The following CNTNAP5 variants were observed in gnomAD, a reference collection of about 807,000 sequenced individuals.
CNTNAP5 encodes contactin associated protein family member 5, also known as contactin-associated protein-like 5.
A neutral mutation model predicts 150.2 loss-of-function variants in CNTNAP5; 72 were observed. The observed-to-expected ratio is 0.48, with a 90% CI of 0.40 to 0.58. The LOEUF (loss-of-function observed/expected upper bound fraction) is 0.58. CNTNAP5 is among the 20% of genes least tolerant of loss of function. The pLI is 0.00. For missense variants in CNTNAP5, 1,636 were observed against 1,626.2 expected (o/e 1.01, Z -0.10); for synonymous variants, 672 against 619.8 (o/e 1.08, Z -1.25).
chr2:124,350,367 A>G (rs1254599179), intron 3 of CNTNAP5, among the ~76,000 whole-genome samples: 1 of 152,064 alleles, frequency 6.6e-6, no homozygotes, highest in Non-Finnish European at 1.5e-5. Context: ...GGAATGCTAA[A>G]ATATTCATTA....
At chr2:124,809,542 G>A (rs79794851) in intron 19 of CNTNAP5, among the ~76,000 whole-genome samples, 158 of 151,716 alleles carry the variant, frequency 1.0e-3, no homozygotes, top group African/African-American at 3.7e-3. Context: ...GCGTGTCTGG[G>A]AATATAGCTG....
chr2:124,541,814 GATCTAC>G (rs1695392725), intron 10 of CNTNAP5, among the ~76,000 whole-genome samples: 1 of 152,104 alleles, frequency 6.6e-6, no homozygotes. Context: ...ATTTACTTCT[GATCTAC>G]ATTTTGCACA....
chr2:124,500,594 A>C (rs1466528771), intron 7 of CNTNAP5, among the ~76,000 whole-genome samples: 3 of 151,758 alleles, frequency 2.0e-5, no homozygotes, highest in African/African-American at 7.3e-5. Context: ...CTAAAACTGG[A>C]AAAAACGGGA....
chr2:124,128,612 G>A lies in CNTNAP5; in HGVS notation c.83-93093G>A, dbSNP rs572670364. 2.6e-5 allele frequency among the ~76,000 whole-genome samples: 4 copies of A among 152,206 alleles called. No individual in the cohort carries two copies. The South Asian group carries it at 6.2e-4, about 24-fold the overall frequency. ...TGCTACTATAAAGACACATGCACAC[G>A]TATGTTTATTGCGGCACTATTCACA... On this transcript the variant is annotated intron_variant, in intron 1 of 23. Coordinates refer to ENST00000682447, the MANE Select transcript of CNTNAP5 (RefSeq NM_001367498.1).
At chr2:124,323,720 A>G (rs189431964) in intron 3 of CNTNAP5, among the ~76,000 whole-genome samples, 4 of 152,300 alleles carry the variant, frequency 2.6e-5, no homozygotes, top group Admixed American at 2.6e-4. Context: ...TTTCAGAATT[A>G]ACTAGACCAT....
At chr2:124,638,177 TATG>T (rs1333579211) in intron 12 of CNTNAP5, among the ~76,000 whole-genome samples, 167 of 137,524 alleles carry the variant, frequency 1.2e-3, no homozygotes, top group African/African-American at 3.9e-3. Context: ...TCTATATATA[TATG>T]ATATATATGA....
intron 1 of CNTNAP5, among the ~76,000 whole-genome samples, chr2:124,110,514 G>A (rs190092329): frequency 6.6e-6 from 1 of 152,254 alleles, no homozygotes. Flanking sequence ...TAATTATTAT[G>A]GCTGTCAGAT....
intron 13 of CNTNAP5, among the ~76,000 whole-genome samples, chr2:124,655,764 G>A (rs1678430368): frequency 6.6e-6 from 1 of 151,550 alleles, no homozygotes; most frequent in South Asian, 2.1e-4. Flanking sequence ...ATCCAGGTGT[G>A]GTGGGGCACA....
At chr2:124,218,702 A>G (rs1529292) in intron 1 of CNTNAP5, among the ~76,000 whole-genome samples, 27,443 of 152,066 alleles carry the variant, frequency 0.18, 2,679 homozygotes, top group Non-Finnish European at 0.23. Flanking sequence ...CCACAAGTTA[A>G]TGGGCTCTGG....
At chr2:124,707,140 G>GAGGAAGAAGAAGAAGAAGAAGAA (rs1679697343) in intron 13 of CNTNAP5, among the ~76,000 whole-genome samples, 31 of 86,472 alleles carry the variant, frequency 3.6e-4, no homozygotes, top group Non-Finnish European at 5.4e-4. Flanking sequence ...AAGAAGAAGA[G>GAGGAAGAAGAAGAAGAAGAAGAA]GAAGAAGAAG....
chr2:124,355,270 T>C (rs895489085), intron 3 of CNTNAP5, among the ~76,000 whole-genome samples: 1 of 152,148 alleles, frequency 6.6e-6, no homozygotes, highest in Non-Finnish European at 1.5e-5. Flanking sequence ...AAAGTCTGCT[T>C]TTTTCATTTT....
At chr2:124,729,659 A>G (rs145910406) in intron 13 of CNTNAP5, among the ~76,000 whole-genome samples, 7 of 152,232 alleles carry the variant, frequency 4.6e-5, no homozygotes, top group Admixed American at 2.0e-4. Context: ...CCAATTATCA[A>G]TGATGACCTA....
chr2:124,624,792 T>G (rs2105001183), intron 12 of CNTNAP5, among the ~76,000 whole-genome samples: 1 of 151,906 alleles, frequency 6.6e-6, no homozygotes, highest in East Asian at 1.9e-4. Context: ...AGGCTGGGGG[T>G]GGTGGGCAGA....
chr2:124,719,734 T>G (rs1680014489), intron 13 of CNTNAP5, among the ~76,000 whole-genome samples: 1 of 152,158 alleles, frequency 6.6e-6, no homozygotes, highest in African/African-American at 2.4e-5. Flanking sequence ...TTAATCTTTT[T>G]TATTATGAAA....
chr2:124,669,894 C>T (rs368524088), intron 13 of CNTNAP5, among the ~76,000 whole-genome samples: 1 of 152,162 alleles, frequency 6.6e-6, no homozygotes, highest in African/African-American at 2.4e-5. Flanking sequence ...CATCACCTGT[C>T]TTTTTGATTA....
chr2:124,107,757 G>T (rs1258254656), intron 1 of CNTNAP5, among the ~76,000 whole-genome samples: 1 of 152,182 alleles, frequency 6.6e-6, no homozygotes, highest in Non-Finnish European at 1.5e-5. Flanking sequence ...TTTTGTCAAG[G>T]TTAAGGATGC....
intron 10 of CNTNAP5, among the ~76,000 whole-genome samples, chr2:124,549,616 A>G (rs550463663): frequency 1.3e-5 from 2 of 152,264 alleles, no homozygotes; most frequent in African/African-American, 4.8e-5. Context: ...ATCTTGATTC[A>G]CACAAATAAG....
intron 1 of CNTNAP5, among the ~76,000 whole-genome samples, chr2:124,208,449 G>A (rs1001553809): frequency 6.6e-6 from 1 of 152,174 alleles, no homozygotes; most frequent in East Asian, 1.9e-4. Flanking sequence ...CAATGCCTTA[G>A]CTTGGATACA....
intron 21 of CNTNAP5, among the ~76,000 whole-genome samples, chr2:124,877,687 T>C (rs72963871): frequency 0.033 from 4,970 of 152,212 alleles, 275 homozygotes; most frequent in African/African-American, 0.11. Context: ...GTTATTTGGG[T>C]GGGATCTGTT....
Sources: allele counts gnomAD v4.1 joint callset (sites outside exome capture counted in the v4.1 genomes callset), GRCh38; gene constraint gnomAD v4.1.1; transcripts MANE v1.5; gene names NCBI Gene and HGNC (gene_info 2026-07-23, HGNC 2026-07-21).